The following LARGE1 variants were observed in gnomAD, a reference collection of about 807,000 sequenced individuals.
LARGE1 encodes the protein xylosyl- and glucuronyltransferase LARGE1.
Under a neutral mutation model 87.6 loss-of-function variants are expected in LARGE1, and 43 were observed. The observed-to-expected ratio is 0.49, with a 90% CI of 0.38 to 0.63. The LOEUF (loss-of-function observed/expected upper bound fraction) is 0.63, where lower values mean the gene tolerates loss of function less well. Among genes scored for constraint, LARGE1 ranks in the 30% least tolerant of loss-of-function variants. The probability of loss-of-function intolerance (pLI) is 0.00; values close to 1 mark genes in which losing one functional copy is unlikely to be tolerated. For missense variants in LARGE1, 802 were observed against 1,000.2 expected (o/e 0.80, Z 2.67); for synonymous variants, 434 against 394.6 (o/e 1.10, Z -1.18).
At chr22:33,072,891 C>G in the LARGE1 span, among the ~76,000 whole-genome samples, 2 of 152,222 alleles carry the variant, frequency 1.3e-5, no homozygotes, top group Non-Finnish European at 2.9e-5. Context: ...CTGTCAAACA[C>G]TGATCTATGA....
chr22:33,586,564 TCTC>T (rs2078681582), intron 5 of LARGE1, among the ~76,000 whole-genome samples: 1 of 151,104 alleles, frequency 6.6e-6, no homozygotes, highest in Admixed American at 6.6e-5. Context: ...TTCACGCCAT[TCTC>T]CTGCCTCAGC....
intron 12 of LARGE1, among the ~76,000 whole-genome samples, chr22:33,285,925 C>T (rs1365104847): frequency 6.6e-6 from 1 of 152,168 alleles, no homozygotes; most frequent in African/African-American, 2.4e-5. Context: ...ATGGATCTCA[C>T]CAGCTCCCAG....
intron 13 of LARGE1, 109 bp from the exon 14 acceptor site, chr22:33,277,364 G>T: frequency 9.6e-7 from 1 of 1,038,762 alleles, no homozygotes; most frequent in South Asian, 1.4e-5. Flanking sequence ...CCTCGGGTGA[G>T]TTGAACTGTC....
intron 1 of LARGE1, among the ~76,000 whole-genome samples, chr22:33,834,692 C>T (rs560442272): frequency 2.6e-5 from 4 of 152,286 alleles, no homozygotes; most frequent in South Asian, 4.2e-4. Context: ...AAAGTACCTT[C>T]GGCAATAACT....
At chr22:33,670,219 C>T (rs1384622801) in intron 2 of LARGE1, among the ~76,000 whole-genome samples, 2 of 151,944 alleles carry the variant, frequency 1.3e-5, no homozygotes, top group Admixed American at 1.3e-4. Flanking sequence ...ACTACAGAGT[C>T]CCTTTCCCTA....
intron 6 of LARGE1, among the ~76,000 whole-genome samples, chr22:33,456,364 T>A (rs539052767): frequency 6.6e-6 from 1 of 152,322 alleles, no homozygotes; most frequent in South Asian, 2.1e-4. Context: ...GCTGTATCAA[T>A]ACTCCCCAAT....
intron 4 of LARGE1, among the ~76,000 whole-genome samples, chr22:33,622,390 A>G (rs1400910601): frequency 2.6e-5 from 4 of 152,130 alleles, no homozygotes; most frequent in Admixed American, 6.5e-5. Context: ...CGCCATGATT[A>G]TAAGTTTCCT....
At chr22:33,486,052 C>T (rs1048473657) in intron 6 of LARGE1, among the ~76,000 whole-genome samples, 1 of 152,156 alleles carries the variant, frequency 6.6e-6, no homozygotes, top group Non-Finnish European at 1.5e-5. Context: ...AGGACAATGG[C>T]CTTGCAGATG....
At chr22:33,741,560 C>T (rs1490509906) in intron 2 of LARGE1, among the ~76,000 whole-genome samples, 8 of 152,344 alleles carry the variant, frequency 5.3e-5, no homozygotes, top group Admixed American at 1.3e-4. Context: ...TGCAGAAATG[C>T]GGAGCCAACA....
intron 2 of LARGE1, among the ~76,000 whole-genome samples, chr22:33,675,801 C>CAA (rs2081561011): frequency 6.6e-6 from 1 of 151,762 alleles, no homozygotes; most frequent in South Asian, 2.1e-4. Context: ...TTAATCCCTT[C>CAA]AACAGCCTCT....
At chr22:33,298,075 C>T (rs935676298) in intron 12 of LARGE1, among the ~76,000 whole-genome samples, 3 of 151,792 alleles carry the variant, frequency 2.0e-5, no homozygotes, top group African/African-American at 7.3e-5. Flanking sequence ...AAAGTCTCAG[C>T]AGAGTGAAGC....
chr22:33,439,762 C>T (rs377043055), intron 6 of LARGE1, among the ~76,000 whole-genome samples: 7 of 152,236 alleles, frequency 4.6e-5, no homozygotes, highest in East Asian at 1.9e-4. Flanking sequence ...TGACTTTCAA[C>T]GCAAGCTGAC....
At chr22:33,444,508 G>A (rs1334760352) in intron 6 of LARGE1, among the ~76,000 whole-genome samples, 5 of 152,016 alleles carry the variant, frequency 3.3e-5, no homozygotes, top group South Asian at 2.1e-4. Context: ...CTTGCATGGC[G>A]AAGTGGTCAG....
chr22:33,659,024 G>C (rs192302015), intron 2 of LARGE1, among the ~76,000 whole-genome samples: 3 of 152,206 alleles, frequency 2.0e-5, no homozygotes, highest in African/African-American at 7.2e-5. Flanking sequence ...ATGATTTCCT[G>C]GTATTGTAGC....
At chr22:33,917,418 G>A (rs2065819555) in intron 1 of LARGE1, among the ~76,000 whole-genome samples, 1 of 152,196 alleles carries the variant, frequency 6.6e-6, no homozygotes, top group South Asian at 2.1e-4. Flanking sequence ...TAAAAGTGCA[G>A]ACAGCGTCTG....
At chr22:33,777,667 A>C (rs1601592947) in intron 1 of LARGE1, among the ~76,000 whole-genome samples, 3 of 77,518 alleles carry the variant, frequency 3.9e-5, no homozygotes, top group Admixed American at 1.2e-4. Flanking sequence ...GGGGAGGGGA[A>C]GGGGAAGGAG....
intron 2 of LARGE1, among the ~76,000 whole-genome samples, chr22:33,733,999 G>T (rs1168799505): frequency 6.6e-6 from 1 of 152,142 alleles, no homozygotes; most frequent in African/African-American, 2.4e-5. Context: ...CTGTCAACAG[G>T]ATTGGTTCTG....
intron 2 of LARGE1, among the ~76,000 whole-genome samples, chr22:33,740,375 T>C (rs1421881999): frequency 2.0e-5 from 3 of 152,336 alleles, no homozygotes; most frequent in South Asian, 4.1e-4. Flanking sequence ...CTCTCAGCCT[T>C]AAATTCTTGC....
At chr22:33,126,044 G>A in the LARGE1 span, among the ~76,000 whole-genome samples, 53,126 of 152,134 alleles carry the variant, frequency 0.35, 9,474 homozygotes, top group South Asian at 0.46. Flanking sequence ...CACAGCGCCC[G>A]GCTGGAATTT....
Sources: gnomAD v4.1 joint callset for allele counts (sites outside exome capture counted in the v4.1 genomes callset) on GRCh38, gnomAD v4.1.1 for gene constraint, MANE v1.5 for transcripts, NCBI Gene and HGNC (gene_info 2026-07-23, HGNC 2026-07-21) for gene names.